The following GPR55 variants were observed in gnomAD, a reference collection of about 807,000 sequenced individuals.
The protein encoded by GPR55 is G-protein coupled receptor 55.
Under a neutral mutation model 7.9 loss-of-function variants are expected in GPR55, and 6 were observed. The observed-to-expected ratio is 0.76, with a 90% confidence interval of 0.41 to 1.49. The LOEUF (loss-of-function observed/expected upper bound fraction) is 1.49, where lower values mean the gene tolerates loss of function less well. GPR55 is among the 40% of genes most tolerant of loss of function. The pLI is 0.01. For synonymous variants in GPR55, 183 were observed against 166.8 expected (o/e 1.10, Z -0.75); for missense variants, 376 against 406.0 (o/e 0.93, Z 0.63).
At chr2:230,959,464 GC>G (rs1691537149) in intron 1 of GPR55, among the ~76,000 whole-genome samples, 1 of 151,888 alleles carries the variant, frequency 6.6e-6, no homozygotes, top group Non-Finnish European at 1.5e-5. Flanking sequence ...AAAAAAAGTT[GC>G]TTTACATACA....
intron 1 of GPR55, among the ~76,000 whole-genome samples, chr2:230,960,553 A>G (rs1241267833): frequency 2.0e-5 from 3 of 152,190 alleles, no homozygotes; most frequent in Non-Finnish European, 4.4e-5. Context: ...GAATCCCAGT[A>G]TAAAACCACG....
At chr2:230,954,384 T>G (rs79031682) in intron 1 of GPR55, among the ~76,000 whole-genome samples, 1 of 152,258 alleles carries the variant, frequency 6.6e-6, no homozygotes, top group Non-Finnish European at 1.5e-5. Flanking sequence ...TAGTTCATTT[T>G]CTGTTGGATT....
chr2:230,925,864 G>T (rs1690933370), upstream of GPR55, among the ~76,000 whole-genome samples: 1 of 152,122 alleles, frequency 6.6e-6, no homozygotes, highest in South Asian at 2.1e-4. Context: ...CCTTGGGCCT[G>T]TGGCTTCCTA....
chr2:230,924,849 C>T lies in GPR55; in HGVS notation c.-135+319G>A, dbSNP rs1690915135. On this transcript the variant is annotated intron_variant, in intron 1 of 1. Transcript: ENST00000650999. This position sits in a 1 kb window ranked among gnomAD's most constrained non-coding sequence, Gnocchi z 4.5. ...ATGCCCCGGGAAGGCTCCCAGGCTG[C>T]CTATGGGGAGGTTTCCCGACCCGAC... Among the ~76,000 whole-genome samples, 1 of 152,088 alleles carries T rather than the reference C, an allele frequency of 6.6e-6. No individual in the cohort carries two copies. The highest frequency in any genetic ancestry group is 2.4e-5 in the African/African-American group (1 of 41,416).
At chr2:230,957,773 A>G in intron 1 of GPR55, 1 of 553,244 alleles carries the variant, frequency 1.8e-6, no homozygotes, top group Admixed American at 1.9e-5. Context: ...AAATCATGTG[A>G]TGTTGGAGTA....
intron 1 of GPR55, among the ~76,000 whole-genome samples, chr2:230,937,755 C>A (rs149213923): frequency 1.3e-5 from 2 of 152,082 alleles, no homozygotes; most frequent in South Asian, 2.1e-4. Context: ...GTAGTAGAGA[C>A]CTCATCTAGA....
At chr2:230,929,683 G>GTCTTATCACC (rs1691001046), upstream of GPR55, 1 of 152,194 alleles carries the variant, frequency 6.6e-6, no homozygotes, top group Non-Finnish European at 1.5e-5. Context: ...TGCAGAAGTT[G>GTCTTATCACC]GACAAAGGTG....
chr2:230,936,172 G>A (rs1041512682), intron 1 of GPR55, among the ~76,000 whole-genome samples: 1 of 152,208 alleles, frequency 6.6e-6, no homozygotes, highest in African/African-American at 2.4e-5. Context: ...TGGCCAGTAT[G>A]TGAAGGAGCC....
chr2:230,941,818 T>G (rs1169593230), intron 1 of GPR55, among the ~76,000 whole-genome samples: 1 of 152,220 alleles, frequency 6.6e-6, no homozygotes, highest in Non-Finnish European at 1.5e-5. Flanking sequence ...TTAAATATCT[T>G]AAACATTAAA....
At chr2:230,928,703 A>G (rs1171588414), upstream of GPR55, 2 of 152,150 alleles carry the variant, frequency 1.3e-5, no homozygotes, top group Non-Finnish European at 2.9e-5. Context: ...AGAAAAAAAA[A>G]GGAGGAACAT....
chr2:230,934,572 G>A (rs1050718437), intron 1 of GPR55, among the ~76,000 whole-genome samples: 7 of 152,164 alleles, frequency 4.6e-5, no homozygotes, highest in African/African-American at 1.2e-4. Flanking sequence ...CTTAGAGCCC[G>A]GCCGCCTCCC....
intron 1 of GPR55, among the ~76,000 whole-genome samples, chr2:230,931,257 C>A (rs538563911): frequency 1.1e-4 from 16 of 152,364 alleles, no homozygotes; most frequent in Admixed American, 2.0e-4. Flanking sequence ...CTCCCTCCAA[C>A]ACTGACCCTG....
chr2:230,934,868 T>G (rs954917119), intron 1 of GPR55, among the ~76,000 whole-genome samples: 1 of 152,142 alleles, frequency 6.6e-6, no homozygotes, highest in African/African-American at 2.4e-5. Context: ...TTTCCCACCC[T>G]GACTCCACCC....
intron 1 of GPR55, among the ~76,000 whole-genome samples, chr2:230,949,734 C>T (rs1559179971): frequency 1.3e-5 from 2 of 152,108 alleles, no homozygotes; most frequent in Non-Finnish European, 2.9e-5. Context: ...TGTGATACCA[C>T]AATAGACTGA....
intron 1 of GPR55, among the ~76,000 whole-genome samples, chr2:230,937,533 G>C (rs181450776): frequency 5.2e-4 from 78 of 150,814 alleles, no homozygotes; most frequent in African/African-American, 1.9e-3. Context: ...ATCGTGACTG[G>C]TGCAAGTTGC....
intron 1 of GPR55, among the ~76,000 whole-genome samples, chr2:230,935,417 C>T (rs58392580): frequency 0.087 from 13,314 of 152,168 alleles, 1,511 homozygotes; most frequent in African/African-American, 0.26. Context: ...TCCTAGGGGG[C>T]CTTGAGTGAG....
chr2:230,910,506 T>G lies in GPR55; in HGVS notation c.457A>C (p.Ser153Arg). The G allele has an allele frequency of 6.2e-7, 1 of 1,614,168 alleles. No homozygotes were observed. The highest frequency in any genetic ancestry group is 1.7e-5 in the Admixed American group (1 of 60,022). ...CTIWVLVWTG[S>R]IPIYSFHGKV... ...CCATGGAAACTGTAGATAGGGATGCTTCCGGTCCACACCAGGACCCAGATG... is the reference window on the plus strand; with the variant it reads ...CCATGGAAACTGTAGATAGGGATGCGTCCGGTCCACACCAGGACCCAGATG... Residue 153 changes from serine (S) to arginine (R), a missense_variant, in exon 2 of 2, where the codon AGC becomes CGC. Physicochemically the swap from Ser to Arg is moderately radical, Grantham distance 110. Coordinates refer to ENST00000650999, the MANE Select transcript of GPR55 (RefSeq NM_005683.4). The surrounding 1 kb of genome is among the most constrained non-coding windows in gnomAD (Gnocchi z 5.4).
chr2:230,910,994 G>A lies in GPR55; in HGVS notation c.-32C>T, dbSNP rs200865607. 718 of 1,562,394 alleles carry A rather than the reference G, an allele frequency of 4.6e-4. 8 individuals are homozygous for A. In the African/African-American group the frequency reaches 8.7e-3, roughly 19 times the overall value. ...TCCTACAACACCAACAGATCAGACG[G>A]GGCTCCTTTCACTCTCTTGAAGTGA... is the stretch of plus-strand genomic sequence containing the variant. On this transcript the variant is annotated 5_prime_UTR_variant, in exon 2 of 2. Coordinates refer to ENST00000650999, the MANE Select transcript of GPR55 (RefSeq NM_005683.4). This position sits in a 1 kb window ranked among gnomAD's most constrained non-coding sequence, Gnocchi z 5.4.
chr2:230,937,499 T>C (rs1270404738), intron 1 of GPR55, among the ~76,000 whole-genome samples: 6 of 105,208 alleles, frequency 5.7e-5, no homozygotes, highest in Non-Finnish European at 1.1e-4. Flanking sequence ...AACCCTGCCC[T>C]ACCCCACTTG....
Sources: allele counts gnomAD v4.1 joint callset (sites outside exome capture counted in the v4.1 genomes callset), GRCh38; gene constraint gnomAD v4.1.1; non-coding constraint Gnocchi (gnomAD v3.1); transcripts MANE v1.5; gene names NCBI Gene and HGNC (gene_info 2026-07-23, HGNC 2026-07-21).